Variants in ZNF736 observed in about 807,000 individuals in gnomAD.
The protein encoded by ZNF736 is zinc finger protein 736, also known as KRAB-containing zinc-finger repressor protein.
In ZNF736, 6 loss-of-function variants were observed where a neutral mutation model predicts 11.7. That is an observed-to-expected ratio of 0.51 (90% CI 0.28 to 1.01). The LOEUF (loss-of-function observed/expected upper bound fraction) is 1.01. Ranked by LOEUF, ZNF736 falls within the 50% of genes least tolerant of loss-of-function variation. The pLI is 0.09. For missense variants in ZNF736, 444 were observed against 496.0 expected (o/e 0.90, Z 1.00); for synonymous variants, 139 against 164.7 (o/e 0.84, Z 1.19).
At chr7:64,327,072 A>G (rs2115895215) in intron 1 of ZNF736, among the ~76,000 whole-genome samples, 1 of 152,272 alleles carries the variant, frequency 6.6e-6, no homozygotes, top group East Asian at 1.9e-4. Flanking sequence ...TTTGGTTCAT[A>G]GTGCAGATTA....
rs1276669051 is a variant in ZNF736, at chr7:64,314,160, G to A, written c.3+7G>A. 6.4e-7 allele frequency: 1 copy of A among 1,552,120 alleles called. No homozygotes were observed. The highest frequency in any genetic ancestry group is 1.2e-5 in the South Asian group (1 of 84,080). On this transcript the variant is annotated splice_region_variant and intron_variant, in intron 1 of 3. Transcript: ENST00000423484. The stretch of plus-strand genomic sequence containing the variant: ...ATCTGGAGGCTGGGAAATGGTGAGT[G>A]CGTGGAGTGGGTGTCCCGAGAATGG...
chr7:64,330,027 C>T (rs1328311324), intron 1 of ZNF736, among the ~76,000 whole-genome samples: 1 of 152,164 alleles, frequency 6.6e-6, no homozygotes, highest in Non-Finnish European at 1.5e-5. Flanking sequence ...TCCCCATGGC[C>T]ACCACCACCC....
chr7:64,343,198 G>C (rs529123364), intron 3 of ZNF736, among the ~76,000 whole-genome samples: 100 of 152,242 alleles, frequency 6.6e-4, no homozygotes, highest in East Asian at 5.4e-3. Context: ...TAAAGAATAT[G>C]TGGTACCTAT....
intron 3 of ZNF736, among the ~76,000 whole-genome samples, chr7:64,343,911 G>C (rs542810178): frequency 1.3e-5 from 2 of 151,016 alleles, no homozygotes; most frequent in Non-Finnish European, 2.9e-5. Context: ...GTGTTTGTTT[G>C]CCTGTGTAAA....
At chr7:64,317,335 C>T (rs935846197) in intron 1 of ZNF736, among the ~76,000 whole-genome samples, 1 of 152,076 alleles carries the variant, frequency 6.6e-6, no homozygotes, top group African/African-American at 2.4e-5. Context: ...GGTGACACCT[C>T]ACCAAGGCAA....
At chr7:64,331,144 C>T (rs981728484) in intron 1 of ZNF736, among the ~76,000 whole-genome samples, 4 of 152,128 alleles carry the variant, frequency 2.6e-5, no homozygotes, top group Non-Finnish European at 4.4e-5. Flanking sequence ...AGTTGCAGTC[C>T]CAGTGGCTTA....
In ZNF736 at chr7:64,356,420, A is replaced by T. The variant is rs577147830; in HGVS notation, c.*7273A>T. 2.6e-5 allele frequency among the ~76,000 whole-genome samples: 4 copies of T among 152,270 alleles called. No homozygotes were observed. The South Asian group carries it at 6.2e-4, about 24-fold the overall frequency. ...TGATTTCTAAGATAAAATATTTGAG[A>T]ATTAATATTACCCAACTTGTCCAAT... On this transcript the variant is annotated 3_prime_UTR_variant, in exon 4 of 4. Transcript: ENST00000423484.
At chr7:64,341,061 T>C (rs963723537) in intron 3 of ZNF736, among the ~76,000 whole-genome samples, 2 of 152,080 alleles carry the variant, frequency 1.3e-5, no homozygotes, top group African/African-American at 4.8e-5. Flanking sequence ...CATGACTCAA[T>C]GTTTATAAAT....
In ZNF736 at chr7:64,348,519, A is replaced by G. The variant is rs762002112; in HGVS notation, c.656A>G (p.His219Arg). The G allele has an allele frequency of 1.6e-5, 26 of 1,576,778 alleles. No homozygotes were observed. The highest frequency in any genetic ancestry group is 3.7e-5 in the Admixed American group (2 of 54,282). ...AAAAAGTTTTCAAACCTTACTGAAC[A>G]TAAGAGAGTTCATACTGGAGAGAAA... ...AFKKFSNLTEHKRVHTGEKPY... is the reference protein window; with the variant it reads ...AFKKFSNLTERKRVHTGEKPY... Residue 219 changes from histidine (H) to arginine (R), a missense_variant, in exon 4 of 4, where the codon CAT becomes CGT. Coordinates refer to ENST00000423484, the MANE Select transcript of ZNF736 (RefSeq NM_001170905.3).
chr7:64,328,367 A>G (rs1215563591), intron 1 of ZNF736, among the ~76,000 whole-genome samples: 2 of 151,912 alleles, frequency 1.3e-5, no homozygotes, highest in East Asian at 3.9e-4. Flanking sequence ...TGATGAGTCC[A>G]CTGTCAAACA....
intron 3 of ZNF736, among the ~76,000 whole-genome samples, chr7:64,346,194 T>C (rs1303258120): frequency 6.6e-6 from 1 of 152,238 alleles, no homozygotes; most frequent in Non-Finnish European, 1.5e-5. Flanking sequence ...TTGAATGTCC[T>C]ACTTTGTCTC....
chr7:64,320,915 A>C (rs546360589), intron 1 of ZNF736, among the ~76,000 whole-genome samples: 2 of 152,208 alleles, frequency 1.3e-5, no homozygotes, highest in Non-Finnish European at 1.5e-5. Context: ...TCATGTCGGT[A>C]CATTTACCCA....
Position 64,348,401 on chromosome 7 carries a change from A to G in ZNF736, c.538A>G (p.Lys180Glu), listed in dbSNP as rs758715282. 26 of 1,550,802 alleles carry G rather than the reference A, an allele frequency of 1.7e-5. No homozygotes were observed. Among genetic ancestry groups the G allele is most frequent in the Non-Finnish European group, 1.8e-5 (21 of 1,146,856 alleles). ...ATGCCACAAATGTGAAGAATGTGGC[A>G]AAGACTGTAGGTTGTTCTCAGATTT... The part of the protein sequence containing the change: ...EKCHKCEECG[K>E]DCRLFSDFTR... Residue 180 changes from lysine to glutamate, a missense_variant, in exon 4 of 4, where the codon AAA (lysine) becomes GAA (glutamate). Physicochemically the swap from Lys to Glu is moderately conservative, Grantham distance 56 (BLOSUM62 1). Coordinates refer to ENST00000423484, the MANE Select transcript of ZNF736 (RefSeq NM_001170905.3).
chr7:64,316,090 G>A (rs1788913128), intron 1 of ZNF736, among the ~76,000 whole-genome samples: 1 of 152,158 alleles, frequency 6.6e-6, no homozygotes, highest in Admixed American at 6.5e-5. Flanking sequence ...CCTGGTCCAA[G>A]TATTACAGCT....
At chr7:64,330,375 T>C (rs1215882243) in intron 1 of ZNF736, among the ~76,000 whole-genome samples, 1 of 151,996 alleles carries the variant, frequency 6.6e-6, no homozygotes, top group East Asian at 1.9e-4. Flanking sequence ...GCCAGGATGG[T>C]CTCCATCTCC....
intron 1 of ZNF736, among the ~76,000 whole-genome samples, chr7:64,332,695 A>T (rs991265105): frequency 6.6e-6 from 1 of 152,042 alleles, no homozygotes; most frequent in Non-Finnish European, 1.5e-5. Context: ...TCAACCACAC[A>T]AGACAGACAC....
At chr7:64,332,858 C>T (rs1022717819) in intron 1 of ZNF736, among the ~76,000 whole-genome samples, 1 of 152,158 alleles carries the variant, frequency 6.6e-6, no homozygotes, top group African/African-American at 2.4e-5. Context: ...AAATATGGCT[C>T]TTTTTGCCCG....
At chr7:64,321,758 G>C (rs976307281) in intron 1 of ZNF736, among the ~76,000 whole-genome samples, 1 of 152,112 alleles carries the variant, frequency 6.6e-6, no homozygotes, top group Non-Finnish European at 1.5e-5. Flanking sequence ...TTGGATGGTT[G>C]GGGGTGTCCC....
At chr7:64,326,357 G>GA (rs138708995) in intron 1 of ZNF736, among the ~76,000 whole-genome samples, 5,830 of 152,214 alleles carry the variant, frequency 0.038, 173 homozygotes, top group Admixed American at 0.087. Flanking sequence ...CAGATTTGTA[G>GA]AAAAATAGCT....
Sources: gnomAD v4.1 joint callset for allele counts (sites outside exome capture counted in the v4.1 genomes callset) on GRCh38, gnomAD v4.1.1 for gene constraint, MANE v1.5 for transcripts, NCBI Gene and HGNC (gene_info 2026-07-23, HGNC 2026-07-21) for gene names.